Variants in KRT8 observed in about 807,000 individuals in gnomAD.
KRT8 encodes keratin, type II cytoskeletal 8.
Under a neutral mutation model 43.0 loss-of-function variants are expected in KRT8, and 24 were observed. The ratio of observed to expected loss-of-function variants is 0.56; its 90% confidence interval spans 0.40 to 0.78. The LOEUF (loss-of-function observed/expected upper bound fraction) is 0.78. Among genes scored for constraint, KRT8 ranks in the 30% least tolerant of loss-of-function variants. The pLI is 0.00. For synonymous variants in KRT8, 214 were observed against 261.2 expected, an observed-to-expected ratio of 0.82 and a Z score of 1.74; for missense variants, 492 against 638.4, an observed-to-expected ratio of 0.77 and a Z score of 2.47.
intron 7 of KRT8, 26 bp from the exon 8 acceptor site, chr12:52,897,644 T>A: frequency 6.3e-7 from 1 of 1,597,776 alleles, no homozygotes; most frequent in African/African-American, 1.3e-5. Flanking sequence ...GGTAGCCACA[T>A]GAGTACAGAA....
At chr12:52,942,146 C>A (rs1410088182) in intron 2 of KRT8, among the ~76,000 whole-genome samples, 1 of 151,974 alleles carries the variant, frequency 6.6e-6, no homozygotes, top group South Asian at 2.1e-4. Flanking sequence ...TGAACTAAAC[C>A]GACAGCCTTA....
intron 2 of KRT8, among the ~76,000 whole-genome samples, chr12:52,930,839 C>T (rs1424872151): frequency 3.9e-5 from 6 of 152,152 alleles, no homozygotes; most frequent in African/African-American, 1.4e-4. Flanking sequence ...GCATTACAGG[C>T]ATGAACCTCT....
upstream of KRT8, chr12:52,905,219 C>A (rs548670634): frequency 3.1e-6 from 2 of 648,050 alleles, no homozygotes; most frequent in East Asian, 5.7e-5. Flanking sequence ...AGAGAGCTGC[C>A]GCCACCCAAG....
intron 2 of KRT8, among the ~76,000 whole-genome samples, chr12:52,915,984 G>C (rs1420789484): frequency 6.6e-6 from 1 of 152,186 alleles, no homozygotes; most frequent in Non-Finnish European, 1.5e-5. Flanking sequence ...GGGAAGGAGA[G>C]AGCCCTTAGA....
At chr12:52,937,392 A>G (rs1390780393) in intron 2 of KRT8, among the ~76,000 whole-genome samples, 1 of 149,254 alleles carries the variant, frequency 6.7e-6, no homozygotes, top group Non-Finnish European at 1.5e-5. Context: ...AAAAAGAGAG[A>G]GAGATACAGA....
At chr12:52,899,785 A>C in exon 5 of KRT8, 2 of 1,587,114 alleles carry the variant, frequency 1.3e-6, no homozygotes, top group Non-Finnish European at 1.7e-6. Context: ...CTGGCCTTTG[A>C]GGCCCTCAAT....
At chr12:52,904,671 G>A (rs1592166174) in exon 1 of KRT8, 8 of 1,612,660 alleles carry the variant, frequency 5.0e-6, no homozygotes, top group Non-Finnish European at 6.8e-6. Flanking sequence ...GTCTATGAAG[G>A]AGGCAAACTT....
upstream of KRT8, among the ~76,000 whole-genome samples, chr12:52,911,347 G>A (rs1000713621): frequency 3.0e-5 from 4 of 131,304 alleles, no homozygotes; most frequent in Admixed American, 1.5e-4. Flanking sequence ...GTGAGACTCC[G>A]TCTCAAAAAA....
intron 2 of KRT8, among the ~76,000 whole-genome samples, chr12:52,937,644 C>T (rs1341432380): frequency 1.3e-5 from 2 of 150,424 alleles, no homozygotes; most frequent in Non-Finnish European, 1.5e-5. Flanking sequence ...ACCAAGATCC[C>T]GCCACTGTAC....
intron 2 of KRT8, among the ~76,000 whole-genome samples, chr12:52,940,838 G>A (rs1268566936): frequency 6.6e-6 from 1 of 151,808 alleles, no homozygotes; most frequent in Non-Finnish European, 1.5e-5. Flanking sequence ...ATCTTGGCCA[G>A]GTTGGTCTTG....
chr12:52,907,050 A>C, upstream of KRT8: 1 of 243,762 alleles, frequency 4.1e-6, no homozygotes, highest in South Asian at 4.6e-5. Context: ...AAATGCATAG[A>C]TCCCAAGAGC....
At chr12:52,949,140 C>T (rs1942410477) in intron 2 of KRT8, 4 of 1,601,208 alleles carry the variant, frequency 2.5e-6, no homozygotes, top group East Asian at 4.5e-5. Context: ...GTCCGCAAAG[C>T]CTGAGTCCTG....
Position 52,945,249 on chromosome 12 carries a change from C to A in KRT8, c.-47+4207G>T, listed in dbSNP as rs535794406. Among the ~76,000 whole-genome samples the A allele has an allele frequency of 3.3e-3, 509 of 152,216 alleles. 2 individuals are homozygous for A. The highest frequency in any genetic ancestry group is 0.012 in the African/African-American group (487 of 41,534). On this transcript the variant is annotated intron_variant, in intron 2 of 6. Coordinates refer to the KRT8 transcript ENST00000546826. ...AGGGCCCCCTGCATGGGTATACCCT[C>A]CACTGAGAGTAGCTGAAAGGAGCCC...
chr12:52,918,188 A>AAGAAGAAGAAGAAGAAGAAGAAGG (rs1565725600), intron 2 of KRT8, among the ~76,000 whole-genome samples: 27 of 118,270 alleles, frequency 2.3e-4, no homozygotes, highest in South Asian at 9.8e-4. Context: ...GAGGAAGAAG[A>AAGAAGAAGAAGAAGAAGAAGAAGG]AGAAGAAGAA....
Position 52,900,440 on chromosome 12 carries a change from C to A in KRT8, c.690+148G>T, listed in dbSNP as rs1014060472. The A allele has an allele frequency of 1.1e-5, 8 of 704,220 alleles. No homozygotes were observed. In the East Asian group the frequency reaches 1.6e-4, roughly 14 times the overall value. The allele number at this position is 704,220 out of a possible 1,614,324, so 43.6% of individuals were successfully genotyped here. A position where few individuals can be genotyped will look rare whatever the true frequency, so the allele number is the denominator to read the frequency against. ...ACATATAGACCCAATAAATACTAGC[C>A]GAGCAAATATTGGTGGCTGTAATTA... On this transcript the variant is annotated intron_variant, in intron 4 of 7. Transcript: ENST00000692008.
At chr12:52,903,724 T>TGG (rs1284750948) in intron 1 of KRT8, 13 of 152,338 alleles carry the variant, frequency 8.5e-5, no homozygotes, top group African/African-American at 3.1e-4. Context: ...GGGGCGTTGG[T>TGG]GGGCGACCGC....
intron 2 of KRT8, among the ~76,000 whole-genome samples, chr12:52,940,720 G>A (rs1382449192): frequency 6.6e-6 from 1 of 150,624 alleles, no homozygotes; most frequent in Non-Finnish European, 1.5e-5. Flanking sequence ...CCTCCTCCCA[G>A]GTTCAAGCAA....
At chr12:52,907,010 A>ACACACACACC, upstream of KRT8, 1 of 275,686 alleles carries the variant, frequency 3.6e-6, no homozygotes, top group South Asian at 3.3e-5. Context: ...ACACACACAC[A>ACACACACACC]CACCCCACAC....
At chr12:52,936,918 G>A (rs1376723621) in intron 2 of KRT8, among the ~76,000 whole-genome samples, 1 of 152,134 alleles carries the variant, frequency 6.6e-6, no homozygotes, top group East Asian at 1.9e-4. Context: ...GACATTAAGA[G>A]AATGAAAAGA....
Sources: allele counts gnomAD v4.1 joint callset (sites outside exome capture counted in the v4.1 genomes callset), GRCh38; gene constraint gnomAD v4.1.1; transcripts MANE v1.5; gene names NCBI Gene and HGNC (gene_info 2026-07-23, HGNC 2026-07-21).